TRAF3: variants seen among roughly 807,000 people sequenced by gnomAD.
The protein encoded by TRAF3 is TNF receptor-associated factor 3.
TRAF3 carries 13 observed loss-of-function variants against 62.3 expected under a neutral mutation model. The ratio of observed to expected loss-of-function variants is 0.21; its 90% CI spans 0.14 to 0.33. The LOEUF (loss-of-function observed/expected upper bound fraction) is 0.33, where lower values mean the gene tolerates loss of function less well. Among genes scored for constraint, TRAF3 ranks in the 10% least tolerant of loss-of-function variants. TRAF3 has a pLI of 1.00. For missense variants in TRAF3, 440 were observed against 741.8 expected (o/e 0.59, Z 4.73); for synonymous variants, 269 against 283.4 (o/e 0.95, Z 0.51).
intron 1 of TRAF3, among the ~76,000 whole-genome samples, chr14:102,790,907 A>T (rs763436321): frequency 1.1e-4 from 17 of 152,160 alleles, no homozygotes; most frequent in Non-Finnish European, 1.8e-4. Flanking sequence ...TTTCTGCAAA[A>T]AAGGTCATTG....
At chr14:102,821,307 A>G (rs1465678214) in intron 1 of TRAF3, among the ~76,000 whole-genome samples, 1 of 152,224 alleles carries the variant, frequency 6.6e-6, no homozygotes, top group African/African-American at 2.4e-5. Context: ...ATTTTATAAA[A>G]GATATTAAAG....
At chr14:102,778,933 C>T (rs1041109071) in intron 1 of TRAF3, among the ~76,000 whole-genome samples, 6 of 152,172 alleles carry the variant, frequency 3.9e-5, no homozygotes, top group African/African-American at 1.4e-4. Context: ...TAGTGTACAG[C>T]GTTCTTTTCT....
At chr14:102,845,518 ATTT>A (rs552851916) in intron 2 of TRAF3, among the ~76,000 whole-genome samples, 7 of 135,814 alleles carry the variant, frequency 5.2e-5, no homozygotes, top group African/African-American at 1.9e-4. Context: ...TAAAAAAAAA[ATTT>A]TTTTTTTTTT....
intron 11 of TRAF3, 126 bp from the exon 12 acceptor site, chr14:102,905,087 G>T: frequency 1.0e-6 from 1 of 993,462 alleles, no homozygotes; most frequent in Non-Finnish European, 1.5e-6. Context: ...ACTCCAGTCT[G>T]GGCAACAGAG....
rs1239765665 is a variant in TRAF3 at position 102,826,693 on chromosome 14, AT to A, written c.-156-3639del. On this transcript the variant is annotated intron_variant, in intron 1 of 11. Coordinates refer to ENST00000392745, the MANE Select transcript of TRAF3 (RefSeq NM_145725.3). The surrounding 1 kb of genome is among the most constrained non-coding windows in gnomAD (Gnocchi z 4.6). ...AGTAGATTCTTTAATTTGTTTATTC[AT>A]TCGTGCAGTCCTTCACCTCACACCT... Among the ~76,000 whole-genome samples, 2 of 152,158 alleles carry A rather than the reference AT, an allele frequency of 1.3e-5. No homozygotes were observed. Among genetic ancestry groups the A allele is most frequent in the African/African-American group, 4.8e-5 (2 of 41,428 alleles).
chr14:102,878,921 G>A (rs911682249), intron 6 of TRAF3, among the ~76,000 whole-genome samples: 1 of 152,060 alleles, frequency 6.6e-6, no homozygotes, highest in Non-Finnish European at 1.5e-5. Flanking sequence ...GTGCCTGAGG[G>A]TGGAGCGGTA....
At chr14:102,803,048 C>G (rs1486899700) in intron 1 of TRAF3, among the ~76,000 whole-genome samples, 2 of 152,196 alleles carry the variant, frequency 1.3e-5, no homozygotes, top group Admixed American at 6.5e-5. Context: ...CTCACTGTCA[C>G]AAGAACAGGA....
chr14:102,840,805 A>G (rs1164031466), intron 2 of TRAF3, among the ~76,000 whole-genome samples: 1 of 152,234 alleles, frequency 6.6e-6, no homozygotes, highest in Non-Finnish European at 1.5e-5. Context: ...GACAAAATAT[A>G]TGAAGTAATA....
rs1897054550 is a variant in TRAF3 at position 102,777,469 on chromosome 14, G to C, written c.-363G>C. ...CCTGCGCGGGGCTGCGTGAGGGAGC[G>C]AGGGAGCGAGGGAGCGCGGCGCGGC... On this transcript the variant is annotated 5_prime_UTR_variant, in exon 1 of 12. Transcript: ENST00000392745. 1 of 144,358 alleles carries C rather than the reference G, an allele frequency of 6.9e-6. No homozygotes were observed. The highest frequency in any genetic ancestry group is 1.5e-5 in the Non-Finnish European group (1 of 64,968). 8.9% of individuals were successfully genotyped at this position (144,358 alleles called of 1,614,324 possible).
In TRAF3 at chr14:102,870,092, A is replaced by G. The variant is rs918459937; in HGVS notation, c.-17-93A>G. 3.3e-5 allele frequency: 50 copies of G among 1,509,796 alleles called. No homozygotes were observed. The Admixed American group carries it at 7.7e-4, about 23-fold the overall frequency. The allele number at this position is 1,509,796 out of a possible 1,614,324, so 93.5% of individuals were successfully genotyped here. A position where few individuals can be genotyped will look rare whatever the true frequency, so the allele number is the denominator to read the frequency against. On this transcript the variant is annotated intron_variant, in intron 2 of 11. Coordinates refer to ENST00000392745, the MANE Select transcript of TRAF3 (RefSeq NM_145725.3). ...TTCTTGTGTTGCCTAAAACTGAAAG[A>G]CAGCAGGTCTCAGGCACTTTTGCTT...
chr14:102,822,803 C>T (rs917014226), intron 1 of TRAF3, among the ~76,000 whole-genome samples: 1 of 152,074 alleles, frequency 6.6e-6, no homozygotes, highest in Non-Finnish European at 1.5e-5. Context: ...GTCAGGAGTT[C>T]GAGACCCAGC....
chr14:102,834,687 CAAAAAA>C (rs35056615), intron 2 of TRAF3, among the ~76,000 whole-genome samples: 1 of 54,288 alleles, frequency 1.8e-5, no homozygotes, highest in African/African-American at 7.8e-5. Flanking sequence ...GACTCCGTCT[CAAAAAA>C]AAAAAAAAAA....
chr14:102,806,242 T>C (rs1566746440), intron 1 of TRAF3, among the ~76,000 whole-genome samples: 2 of 152,210 alleles, frequency 1.3e-5, no homozygotes. Flanking sequence ...TTCACCATAC[T>C]CTTCTTGATT....
At chr14:102,829,566 T>G (rs1566760905) in intron 1 of TRAF3, among the ~76,000 whole-genome samples, 1 of 152,220 alleles carries the variant, frequency 6.6e-6, no homozygotes, top group Non-Finnish European at 1.5e-5. Context: ...TGGCAATGCA[T>G]GATGTCTCCA....
chr14:102,811,912 C>CTTTTTTT, intron 1 of TRAF3, among the ~76,000 whole-genome samples: 1 of 32,696 alleles, frequency 3.1e-5, no homozygotes, highest in South Asian at 1.8e-3. Flanking sequence ...CATGCCTGGC[C>CTTTTTTT]CTTTTTTTTT....
intron 8 of TRAF3, 106 bp downstream of exon 8, chr14:102,889,740 C>G (rs1434051602): frequency 2.2e-6 from 3 of 1,380,692 alleles, no homozygotes; most frequent in East Asian, 2.3e-5. Context: ...TATTCTTTGT[C>G]ATGAAACTGA....
In TRAF3 at chr14:102,910,723, G is replaced by C. The variant is rs567020937; in HGVS notation, c.*4939G>C. The C allele has an allele frequency of 6.6e-6, 1 of 152,428 alleles. No individual in the cohort carries two copies. Among genetic ancestry groups the C allele is most frequent in the African/African-American group, 2.4e-5 (1 of 41,588 alleles). 9.4% of individuals were successfully genotyped at this position (152,428 alleles called of 1,614,324 possible). On this transcript the variant is annotated 3_prime_UTR_variant, in exon 12 of 12. Coordinates refer to ENST00000392745, the MANE Select transcript of TRAF3 (RefSeq NM_145725.3). ...GTGAGGAGGCCCCGGTGGCCAAGCAGAGCCTGCGTTTCATTTCTCCTGCTG... is the reference window on the plus strand; with the variant it reads ...GTGAGGAGGCCCCGGTGGCCAAGCACAGCCTGCGTTTCATTTCTCCTGCTG...
chr14:102,829,448 T>C (rs1258009721), intron 1 of TRAF3, among the ~76,000 whole-genome samples: 2 of 152,234 alleles, frequency 1.3e-5, no homozygotes, highest in Non-Finnish European at 2.9e-5. Context: ...GGTTGAGACA[T>C]AGTTTTCAAC....
chr14:102,833,859 G>A (rs1885800620), intron 2 of TRAF3, among the ~76,000 whole-genome samples: 1 of 151,878 alleles, frequency 6.6e-6, no homozygotes, highest in Non-Finnish European at 1.5e-5. Flanking sequence ...TGGGTGTGGT[G>A]GCACCTGTAA....
Sources: allele counts gnomAD v4.1 joint callset (sites outside exome capture counted in the v4.1 genomes callset), GRCh38; gene constraint gnomAD v4.1.1; non-coding constraint Gnocchi (gnomAD v3.1); transcripts MANE v1.5; gene names NCBI Gene and HGNC (gene_info 2026-07-23, HGNC 2026-07-21).